ZNF519: variants seen among roughly 807,000 people sequenced by gnomAD.
ZNF519 encodes the protein zinc finger protein 519, also known as similar to Zinc finger protein 85 (Zinc finger protein HPF4) (HTF1).
Under a neutral mutation model 7.4 loss-of-function variants are expected in ZNF519, and 7 were observed. The ratio of observed to expected loss-of-function variants is 0.94; its 90% CI spans 0.54 to 1.77. The LOEUF is 1.77. Among genes scored for constraint, ZNF519 ranks in the 40% most tolerant of loss-of-function variants. ZNF519 has a pLI of 0.00. For missense variants in ZNF519, 586 were observed against 623.1 expected (o/e 0.94, Z 0.63); for synonymous variants, 179 against 203.3 (o/e 0.88, Z 1.02).
chr18:14,132,261 C>A lies in ZNF519; in HGVS notation c.3+14G>T. On this transcript the variant is annotated intron_variant, in intron 1 of 2. Coordinates refer to ENST00000590202, the MANE Select transcript of ZNF519 (RefSeq NM_145287.4). Reference sequence around the variant, plus strand: ...CCCTCCCCAGTCTCGGTACGCCCTGCCCCCCACACTCACCATTTCTCGGCT... The same window carrying A: ...CCCTCCCCAGTCTCGGTACGCCCTGACCCCCACACTCACCATTTCTCGGCT... The A allele has an allele frequency of 6.2e-7, 1 of 1,613,480 alleles. No homozygotes were observed. Among genetic ancestry groups the A allele is most frequent in the Non-Finnish European group, 8.5e-7 (1 of 1,179,572 alleles).
chr18:14,096,817 C>T (rs934135983), downstream of ZNF519, among the ~76,000 whole-genome samples: 2 of 152,188 alleles, frequency 1.3e-5, no homozygotes, highest in Admixed American at 6.5e-5. Context: ...AGGGAGAGGA[C>T]AGCATTGCCC....
At chr18:14,083,257 C>T (rs1431937923) in intron 3 of ZNF519, among the ~76,000 whole-genome samples, 3 of 152,024 alleles carry the variant, frequency 2.0e-5, no homozygotes, top group East Asian at 1.9e-4. Flanking sequence ...GGCTGAGGCA[C>T]GAGAATTGCT....
chr18:14,124,523 A>G (rs756334990), intron 1 of ZNF519, 47 bp from the exon 2 acceptor site: 1 of 1,590,000 alleles, frequency 6.3e-7, no homozygotes, highest in Non-Finnish European at 8.5e-7. Flanking sequence ...TTGACTAGAG[A>G]TGAAATGAGT....
chr18:14,113,927 C>T (rs1053214506), intron 2 of ZNF519, among the ~76,000 whole-genome samples: 1 of 152,082 alleles, frequency 6.6e-6, no homozygotes. Flanking sequence ...CACTGTTATT[C>T]GTATGCCCTC....
At position 14,103,128 on chromosome 18, in the gene ZNF519, A is replaced by G. The variant is rs2046170195; in HGVS notation, c.*1789T>C. On this transcript the variant is annotated 3_prime_UTR_variant, in exon 3 of 3. Transcript: ENST00000590202. ...TTATCAGAAGTATAGAAACTTCTAT[A>G]CTCCAATGTAAATAATGGGCAGAAA... is the stretch of plus-strand genomic sequence containing the variant. The G allele has an allele frequency of 6.6e-6, 1 of 152,106 alleles. No homozygotes were observed. 9.4% of individuals were successfully genotyped at this position (152,106 alleles called of 1,614,324 possible).
At chr18:14,121,724 A>G (rs1476617971) in intron 2 of ZNF519, 2 of 152,198 alleles carry the variant, frequency 1.3e-5, no homozygotes, top group Non-Finnish European at 2.9e-5. Flanking sequence ...GTATACACAT[A>G]TACGATTTAT....
At chr18:14,125,840 G>A (rs773479014) in intron 1 of ZNF519, among the ~76,000 whole-genome samples, 21 of 151,966 alleles carry the variant, frequency 1.4e-4, no homozygotes, top group Non-Finnish European at 3.1e-4. Context: ...GCCCACCACC[G>A]CACCCAGCTA....
In ZNF519 at chr18:14,100,263, C is replaced by T. The variant is rs900819509; in HGVS notation, c.*4654G>A. The T allele has an allele frequency of 2.6e-5, 4 of 152,110 alleles. No homozygotes were observed. Among genetic ancestry groups the T allele is most frequent in the Non-Finnish European group, 5.9e-5 (4 of 68,016 alleles). 9.4% of individuals were successfully genotyped at this position (152,110 alleles called of 1,614,324 possible). A position where few individuals can be genotyped will look rare whatever the true frequency, so the allele number is the denominator to read the frequency against. On this transcript the variant is annotated 3_prime_UTR_variant, in exon 3 of 3. Coordinates refer to ENST00000590202, the MANE Select transcript of ZNF519 (RefSeq NM_145287.4). ...ACTCTGGATAACAGAGTGCTAGTTTCTATTAAAATTAAACTTGTAACTACC... is the reference window on the plus strand; with the variant it reads ...ACTCTGGATAACAGAGTGCTAGTTTTTATTAAAATTAAACTTGTAACTACC...
Position 14,106,758 on chromosome 18 carries a change from G to A in ZNF519, c.131-349C>T, listed in dbSNP as rs575331215. Among the ~76,000 whole-genome samples, 19 of 152,234 alleles carry A rather than the reference G, an allele frequency of 1.2e-4. No homozygotes were observed. In the South Asian group the frequency reaches 2.3e-3, roughly 18 times the overall value. ...GCCACCCCTCACTCATGCCCTGGCA[G>A]CTGTCACATACTATGTAGATAGAAG... On this transcript the variant is annotated intron_variant, in intron 2 of 2. Coordinates refer to ENST00000590202, the MANE Select transcript of ZNF519 (RefSeq NM_145287.4).
chr18:14,109,113 G>A (rs1412115419), intron 2 of ZNF519, among the ~76,000 whole-genome samples: 9 of 146,328 alleles, frequency 6.2e-5, no homozygotes, highest in South Asian at 2.1e-4. Flanking sequence ...GAGAAACTCC[G>A]TCTCAAAAAA....
chr18:14,085,555 A>G (rs868437933), intron 2 of ZNF519, among the ~76,000 whole-genome samples: 28 of 152,194 alleles, frequency 1.8e-4, no homozygotes, highest in African/African-American at 5.3e-4. Context: ...ACAAGTGCTA[A>G]GGAATCCAAT....
intron 2 of ZNF519, among the ~76,000 whole-genome samples, chr18:14,123,563 C>T (rs1015085572): frequency 6.6e-6 from 1 of 151,830 alleles, no homozygotes; most frequent in Non-Finnish European, 1.5e-5. Context: ...TACTAAAATA[C>T]AAAAAATTAG....
chr18:14,116,617 T>C (rs902387922), intron 2 of ZNF519, among the ~76,000 whole-genome samples: 10 of 152,120 alleles, frequency 6.6e-5, no homozygotes, highest in Non-Finnish European at 1.0e-4. Flanking sequence ...ATGGGAAAAA[T>C]TGAGGTTGGA....
downstream of ZNF519, chr18:14,074,457 A>T (rs9958327): frequency 0.022 from 3,358 of 153,810 alleles, 124 homozygotes; most frequent in African/African-American, 0.074. Context: ...GGACTTCAGG[A>T]GGTATTGATT....
At chr18:14,092,181 G>T (rs1206829317) in intron 2 of ZNF519, among the ~76,000 whole-genome samples, 1 of 152,076 alleles carries the variant, frequency 6.6e-6, no homozygotes, top group African/African-American at 2.4e-5. Flanking sequence ...ACCTGTGCTG[G>T]AGGCAGAGAC....
chr18:14,120,726 T>G (rs2046266093), intron 2 of ZNF519, among the ~76,000 whole-genome samples: 1 of 152,090 alleles, frequency 6.6e-6, no homozygotes, highest in East Asian at 1.9e-4. Flanking sequence ...GACAAAAGAT[T>G]ATTTTTCCCC....
chr18:14,097,383 G>A (rs2046141075), downstream of ZNF519, among the ~76,000 whole-genome samples: 1 of 152,150 alleles, frequency 6.6e-6, no homozygotes, highest in South Asian at 2.1e-4. Context: ...AGGTGGAGGT[G>A]GCCCCACTAA....
rs532923120 is a variant in ZNF519, at chr18:14,094,249, A to T, written c.131-9173T>A. On this transcript the variant is annotated intron_variant and NMD_transcript_variant, in intron 2 of 4. Transcript: ENST00000587419. ...GTTGAACTAGTAACAGGCAAACAAT[A>T]GTGTTGCCCACACTAACCTCTAAAA... 2.6e-4 allele frequency among the ~76,000 whole-genome samples: 40 copies of T among 152,328 alleles called. No homozygotes were observed. The South Asian group carries it at 8.1e-3, about 31-fold the overall frequency.
At chr18:14,094,012 T>C (rs573187213) in intron 2 of ZNF519, among the ~76,000 whole-genome samples, 43 of 152,372 alleles carry the variant, frequency 2.8e-4, no homozygotes, top group African/African-American at 8.9e-4. Flanking sequence ...CCTTGAAGTT[T>C]TCCTATGATC....
Sources: allele counts gnomAD v4.1 joint callset (sites outside exome capture counted in the v4.1 genomes callset), GRCh38; gene constraint gnomAD v4.1.1; transcripts MANE v1.5; gene names NCBI Gene and HGNC (gene_info 2026-07-23, HGNC 2026-07-21).